ZSWIM6: variants seen among roughly 807,000 people sequenced by gnomAD.
ZSWIM6 encodes the protein zinc finger SWIM domain-containing protein 6.
ZSWIM6 carries 9 observed loss-of-function variants against 113.2 expected under a neutral mutation model. The ratio of observed to expected loss-of-function variants is 0.08; its 90% CI spans 0.05 to 0.14. ZSWIM6 has a LOEUF of 0.14. ZSWIM6 is among the 10% of genes least tolerant of loss of function. The pLI is 1.00. For missense variants in ZSWIM6, 1,162 were observed against 1,552.2 expected (o/e 0.75, Z 4.22); for synonymous variants, 611 against 606.5 (o/e 1.01, Z -0.11).
intron 7 of ZSWIM6, among the ~76,000 whole-genome samples, chr5:61,529,561 C>T (rs566182761): frequency 6.6e-6 from 1 of 152,324 alleles, no homozygotes; most frequent in East Asian, 1.9e-4. Flanking sequence ...CCTCAATTTA[C>T]ATGACCCAGT....
chr5:61,353,608 A>AT (rs1314908550), intron 1 of ZSWIM6, among the ~76,000 whole-genome samples: 4 of 151,970 alleles, frequency 2.6e-5, no homozygotes, highest in Non-Finnish European at 5.9e-5. Context: ...ATTATGTTTT[A>AT]TTTTTTTCTC....
chr5:61,373,053 A>T (rs1293635518), intron 1 of ZSWIM6, among the ~76,000 whole-genome samples: 1 of 152,094 alleles, frequency 6.6e-6, no homozygotes, highest in Non-Finnish European at 1.5e-5. Flanking sequence ...AGAACTAACC[A>T]CTATTATCAG....
intron 1 of ZSWIM6, among the ~76,000 whole-genome samples, chr5:61,363,378 A>G (rs1745073594): frequency 6.6e-6 from 1 of 152,240 alleles, no homozygotes; most frequent in Admixed American, 6.5e-5. Context: ...AGTGACATAT[A>G]GAACCAGTTT....
At chr5:61,334,718 A>G (rs1744353301) in intron 1 of ZSWIM6, among the ~76,000 whole-genome samples, 1 of 151,992 alleles carries the variant, frequency 6.6e-6, no homozygotes, top group Non-Finnish European at 1.5e-5. Context: ...GAGGCTATTC[A>G]TCTATCCTTT....
intron 1 of ZSWIM6, among the ~76,000 whole-genome samples, chr5:61,408,741 C>G (rs1040784748): frequency 2.0e-5 from 3 of 152,250 alleles, no homozygotes; most frequent in African/African-American, 7.2e-5. Context: ...AGTCTGGCTG[C>G]CAGCCAAACC....
intron 1 of ZSWIM6, among the ~76,000 whole-genome samples, chr5:61,373,372 CTTTTT>C (rs748556109): frequency 1.9e-5 from 2 of 102,964 alleles, no homozygotes; most frequent in African/African-American, 8.1e-5. Flanking sequence ...CTCAGTATTT[CTTTTT>C]TTTTTTTTTT....
intron 2 of ZSWIM6, among the ~76,000 whole-genome samples, chr5:61,477,541 A>C (rs971262593): frequency 6.6e-6 from 1 of 152,114 alleles, no homozygotes; most frequent in African/African-American, 2.4e-5. Context: ...TTGTTTTTCC[A>C]TTTCAATTTG....
chr5:61,427,481 A>G (rs562206534), intron 1 of ZSWIM6, among the ~76,000 whole-genome samples: 1 of 152,000 alleles, frequency 6.6e-6, no homozygotes, highest in South Asian at 2.1e-4. Context: ...TCTCCCCCAG[A>G]TATTTTTTTT....
chr5:61,335,049 G>A (rs2112018443), intron 1 of ZSWIM6, among the ~76,000 whole-genome samples: 1 of 152,362 alleles, frequency 6.6e-6, no homozygotes, highest in East Asian at 1.9e-4. Flanking sequence ...AATAAAAGAG[G>A]CAATCTTCTC....
At chr5:61,376,486 T>C (rs1011482397) in intron 1 of ZSWIM6, among the ~76,000 whole-genome samples, 29 of 143,946 alleles carry the variant, frequency 2.0e-4, no homozygotes, top group Non-Finnish European at 4.1e-4. Flanking sequence ...CTGAGCTTAG[T>C]GTCATCTTTG....
At chr5:61,503,264 G>T (rs1402219793) in intron 4 of ZSWIM6, among the ~76,000 whole-genome samples, 1 of 152,108 alleles carries the variant, frequency 6.6e-6, no homozygotes, top group East Asian at 1.9e-4. Context: ...ACTTTGATCT[G>T]GTTGACAGAA....
At chr5:61,537,666 G>T (rs1749615180) in intron 10 of ZSWIM6, among the ~76,000 whole-genome samples, 1 of 152,154 alleles carries the variant, frequency 6.6e-6, no homozygotes, top group African/African-American at 2.4e-5. Context: ...AATAAAAGGA[G>T]AAGAGAATGA....
At chr5:61,484,526 G>T (rs1332963345) in intron 2 of ZSWIM6, among the ~76,000 whole-genome samples, 2 of 152,150 alleles carry the variant, frequency 1.3e-5, no homozygotes, top group South Asian at 4.1e-4. Context: ...TTCTATAGTT[G>T]TTTGGAAAGT....
chr5:61,459,014 C>T (rs954024148), intron 1 of ZSWIM6, among the ~76,000 whole-genome samples: 5 of 152,092 alleles, frequency 3.3e-5, no homozygotes, highest in Non-Finnish European at 5.9e-5. Flanking sequence ...TCCTCAGACA[C>T]ATATTTGATT....
At chr5:61,363,719 A>G (rs1243487376) in intron 1 of ZSWIM6, among the ~76,000 whole-genome samples, 4 of 152,198 alleles carry the variant, frequency 2.6e-5, no homozygotes, top group Non-Finnish European at 5.9e-5. Flanking sequence ...GTAAGCTAAA[A>G]TATGTTTAAA....
chr5:61,394,127 T>C (rs1279578206), intron 1 of ZSWIM6, among the ~76,000 whole-genome samples: 2 of 152,216 alleles, frequency 1.3e-5, no homozygotes, highest in African/African-American at 4.8e-5. Flanking sequence ...TATTGATGAA[T>C]ATAGGAGACA....
chr5:61,406,344 T>G (rs149536788), intron 1 of ZSWIM6, among the ~76,000 whole-genome samples: 158 of 152,322 alleles, frequency 1.0e-3, no homozygotes, highest in African/African-American at 3.6e-3. Context: ...AGTATGATGG[T>G]TTACATAAAT....
In ZSWIM6 at chr5:61,439,145, G is replaced by A. The variant is rs374128242; in HGVS notation, c.677-33536G>A. 8.5e-5 allele frequency among the ~76,000 whole-genome samples: 13 copies of A among 152,242 alleles called. No individual in the cohort carries two copies. In the East Asian group the frequency reaches 2.5e-3, roughly 29 times the overall value. ...TGTGTTTAGGTAGTTGAAATTTCAG[G>A]CTGACTTTTTAAAACTAACCTTTGG... On this transcript the variant is annotated intron_variant, in intron 1 of 13. Coordinates refer to ENST00000252744, the MANE Select transcript of ZSWIM6 (RefSeq NM_020928.2).
At chr5:61,356,712 TATATATAACATAATATATA>T (rs1744916657) in intron 1 of ZSWIM6, among the ~76,000 whole-genome samples, 1 of 117,476 alleles carries the variant, frequency 8.5e-6, no homozygotes, top group Non-Finnish European at 1.7e-5. Context: ...ATATATATAA[TATATATAACATAATATATA>T]ATATATATTA....
Sources: allele counts gnomAD v4.1 joint callset (sites outside exome capture counted in the v4.1 genomes callset), GRCh38; gene constraint gnomAD v4.1.1; transcripts MANE v1.5; gene names NCBI Gene and HGNC (gene_info 2026-07-23, HGNC 2026-07-21).